Variants in FGF12 observed in about 807,000 individuals in gnomAD.
The protein encoded by FGF12 is fibroblast growth factor 12.
A neutral mutation model predicts 23.6 loss-of-function variants in FGF12; 14 were observed. The ratio of observed to expected loss-of-function variants is 0.59; its 90% CI spans 0.39 to 0.93. FGF12 has a LOEUF of 0.93. Ranked by LOEUF, FGF12 falls within the 40% of genes least tolerant of loss-of-function variation. The pLI, the probability that FGF12 is intolerant of heterozygous loss-of-function variation, is 0.00. For missense variants in FGF12, 175 were observed against 217.8 expected (o/e 0.80, Z 1.24); for synonymous variants, 62 against 77.3 (o/e 0.80, Z 1.04).
intron 2 of FGF12, among the ~76,000 whole-genome samples, chr3:192,556,964 C>G (rs1711807567): frequency 6.6e-6 from 1 of 151,314 alleles, no homozygotes; most frequent in African/African-American, 2.4e-5. Context: ...ACGAATGAGT[C>G]AAAGAAAAAG....
At chr3:192,474,751 G>C (rs1723269920) in intron 2 of FGF12, among the ~76,000 whole-genome samples, 1 of 152,040 alleles carries the variant, frequency 6.6e-6, no homozygotes, top group Non-Finnish European at 1.5e-5. Flanking sequence ...CAGGTGTGGT[G>C]ATGTGTCCCT....
At chr3:192,160,394 G>T (rs150365666) in intron 5 of FGF12, among the ~76,000 whole-genome samples, 1,547 of 152,154 alleles carry the variant, frequency 0.01, 22 homozygotes, top group African/African-American at 0.034. Context: ...CATCCTCGGA[G>T]TCTATAAAAG....
chr3:192,688,691 A>C (rs934472933), intron 2 of FGF12, among the ~76,000 whole-genome samples: 2 of 152,230 alleles, frequency 1.3e-5, no homozygotes, highest in African/African-American at 4.8e-5. Context: ...AGATTTCTGA[A>C]AAACTAAAAA....
At chr3:192,500,604 T>C (rs79393257) in intron 2 of FGF12, among the ~76,000 whole-genome samples, 12,783 of 152,264 alleles carry the variant, frequency 0.084, 619 homozygotes, top group Admixed American at 0.19. Flanking sequence ...AATCCAACTC[T>C]GAACACAGAA....
chr3:192,273,785 T>G (rs1051706381), intron 4 of FGF12, among the ~76,000 whole-genome samples: 7 of 152,174 alleles, frequency 4.6e-5, no homozygotes, highest in African/African-American at 1.7e-4. Flanking sequence ...AGGATTCAAT[T>G]TGTGTTTGCA....
intron 4 of FGF12, among the ~76,000 whole-genome samples, chr3:192,322,864 C>T (rs181229454): frequency 4.6e-4 from 70 of 152,236 alleles, no homozygotes; most frequent in African/African-American, 1.5e-3. Flanking sequence ...AGATTAAAGA[C>T]TTAAATCTAA....
chr3:192,379,115 A>G (rs939678493), intron 2 of FGF12, among the ~76,000 whole-genome samples: 1 of 152,150 alleles, frequency 6.6e-6, no homozygotes, highest in African/African-American at 2.4e-5. Flanking sequence ...ATAGTATTCC[A>G]TGGTGTATAT....
Position 192,727,231 on chromosome 3 carries a change from T to C in FGF12, c.-38A>G. On this transcript the variant is annotated 5_prime_UTR_variant, in exon 2 of 6. Coordinates refer to ENST00000445105, the MANE Select transcript of FGF12 (RefSeq NM_004113.6). ...CGAGTGCTGGGAAGTTCAATGGAAG[T>C]TGGCCGGAAGATGTGGGCCCGCTTC... 6.4e-7 allele frequency: 1 copy of C among 1,571,748 alleles called. No individual in the cohort carries two copies. The highest frequency in any genetic ancestry group is 8.6e-7 in the Non-Finnish European group (1 of 1,158,246).
At chr3:192,366,631 T>A (rs1053903193) in intron 2 of FGF12, among the ~76,000 whole-genome samples, 1 of 152,188 alleles carries the variant, frequency 6.6e-6, no homozygotes, top group African/African-American at 2.4e-5. Context: ...AGCCACTCCC[T>A]AGTACTGTTC....
At chr3:192,677,079 G>T (rs1717351197) in intron 2 of FGF12, among the ~76,000 whole-genome samples, 1 of 152,160 alleles carries the variant, frequency 6.6e-6, no homozygotes, top group African/African-American at 2.4e-5. Flanking sequence ...AGTGACTGTT[G>T]TCCTAACCCC....
chr3:192,308,909 A>G (rs891177481), intron 4 of FGF12, among the ~76,000 whole-genome samples: 1 of 152,164 alleles, frequency 6.6e-6, no homozygotes, highest in East Asian at 1.9e-4. Context: ...AAATTAGTTC[A>G]AGGTCTGTAC....
At chr3:192,551,983 A>C (rs1465886076) in intron 2 of FGF12, among the ~76,000 whole-genome samples, 1 of 152,114 alleles carries the variant, frequency 6.6e-6, no homozygotes, top group African/African-American at 2.4e-5. Context: ...TTATTTATAT[A>C]GAGATATATA....
At chr3:192,264,493 C>G (rs1046132712) in intron 4 of FGF12, among the ~76,000 whole-genome samples, 1 of 151,832 alleles carries the variant, frequency 6.6e-6, no homozygotes, top group Admixed American at 6.6e-5. Context: ...ATTTTTAATT[C>G]TGGAGAAAAG....
At chr3:192,522,237 T>C (rs1235440077) in intron 2 of FGF12, among the ~76,000 whole-genome samples, 3 of 151,900 alleles carry the variant, frequency 2.0e-5, no homozygotes, top group Middle Eastern at 3.2e-3. Context: ...GGGACTTTTT[T>C]GTGATTTTCC....
At chr3:192,512,432 TA>T (rs1240818385) in intron 2 of FGF12, among the ~76,000 whole-genome samples, 1 of 152,060 alleles carries the variant, frequency 6.6e-6, no homozygotes, top group Non-Finnish European at 1.5e-5. Flanking sequence ...ATAGTAGGCT[TA>T]AAGTTCTTAT....
intron 4 of FGF12, among the ~76,000 whole-genome samples, chr3:192,193,819 C>T (rs943461214): frequency 1.3e-5 from 2 of 152,018 alleles, no homozygotes; most frequent in South Asian, 4.2e-4. Context: ...TGTATATGTA[C>T]CATCAGCGTG....
At chr3:192,188,743 G>A (rs1312914598) in intron 4 of FGF12, among the ~76,000 whole-genome samples, 2 of 152,070 alleles carry the variant, frequency 1.3e-5, no homozygotes, top group Middle Eastern at 3.2e-3. Flanking sequence ...ATGAGCGTTG[G>A]ACTCATTTAA....
At chr3:192,461,077 T>A (rs1722848860) in intron 2 of FGF12, among the ~76,000 whole-genome samples, 1 of 152,230 alleles carries the variant, frequency 6.6e-6, no homozygotes, top group Non-Finnish European at 1.5e-5. Flanking sequence ...TGTGATAACC[T>A]ATATAACATA....
chr3:192,635,826 TG>T (rs1715560204), intron 2 of FGF12, among the ~76,000 whole-genome samples: 2 of 152,214 alleles, frequency 1.3e-5, no homozygotes, highest in African/African-American at 2.4e-5. Context: ...CTGGATAAGA[TG>T]TAGAACTGAT....
Sources: gnomAD v4.1 joint callset for allele counts (sites outside exome capture counted in the v4.1 genomes callset) on GRCh38, gnomAD v4.1.1 for gene constraint, MANE v1.5 for transcripts, NCBI Gene and HGNC (gene_info 2026-07-23, HGNC 2026-07-21) for gene names.